Variants in DNAH11 observed in about 807,000 individuals in gnomAD.
The protein encoded by DNAH11 is dynein axonemal heavy chain 11, also known as axonemal beta dynein heavy chain 11.
Under a neutral mutation model 526.0 loss-of-function variants are expected in DNAH11, and 442 were observed. That is an observed-to-expected ratio of 0.84 (90% CI 0.78 to 0.91). The LOEUF (loss-of-function observed/expected upper bound fraction) is 0.91. DNAH11 is among the 40% of genes least tolerant of loss of function. The pLI, the probability that DNAH11 is intolerant of heterozygous loss-of-function variation, is 0.00. For synonymous variants in DNAH11, 2,461 were observed against 1,935.9 expected, an observed-to-expected ratio of 1.27 and a Z score of -7.12; for missense variants, 6,989 against 5,448.7, an observed-to-expected ratio of 1.28 and a Z score of -8.90.
At chr7:21,873,186 A>G in intron 73 of DNAH11, 88 bp from the exon 74 acceptor site, 1 of 1,157,790 alleles carries the variant, frequency 8.6e-7, no homozygotes, top group Non-Finnish European at 1.2e-6. Flanking sequence ...CTGAGTTTTC[A>G]GTGCAATTAT....
At position 21,789,325 on chromosome 7, in the gene DNAH11, A is replaced by C. The variant is rs145645790; in HGVS notation, c.10009A>C (p.Ile3337Leu). The C allele has an allele frequency of 5.1e-6, 8 of 1,569,446 alleles. No individual in the cohort carries two copies. Among genetic ancestry groups the C allele is most frequent in the Non-Finnish European group, 6.9e-6 (8 of 1,156,840 alleles). The change falls in exon 61 of 82, where the codon ATC (isoleucine) becomes CTC (leucine). Residue 3337 changes from isoleucine to leucine, a missense_variant. Physicochemically the swap from Ile to Leu is conservative, Grantham distance 5 (BLOSUM62 2). Transcript: ENST00000409508. ...LAAATEKLEAIRKKLVDLDRN... is the reference protein window; with the variant it reads ...LAAATEKLEALRKKLVDLDRN... ...TGCAGCTACTGAAAAACTAGAGGCT[A>C]TCAGGAAAAAGCTTGTGGTGAGTGC...
intron 25 of DNAH11, among the ~76,000 whole-genome samples, chr7:21,623,101 T>A (rs910888505): frequency 2.0e-3 from 298 of 151,072 alleles, no homozygotes; most frequent in African/African-American, 6.3e-3. Context: ...GAATCTACAA[T>A]GAACTCAAAC....
intron 80 of DNAH11, among the ~76,000 whole-genome samples, chr7:21,899,681 G>A (rs116187539): frequency 1.1e-3 from 163 of 152,260 alleles, no homozygotes; most frequent in African/African-American, 3.6e-3. Flanking sequence ...GGTGGGGCAC[G>A]GTGTGCTCTT....
At chr7:21,847,724 T>G (rs1381963357) in intron 66 of DNAH11, among the ~76,000 whole-genome samples, 28 of 152,196 alleles carry the variant, frequency 1.8e-4, no homozygotes, top group Non-Finnish European at 3.8e-4. Context: ...TCCTTGCTGA[T>G]TTTTTGCCTG....
chr7:21,605,358 T>C (rs1785241288), intron 18 of DNAH11, among the ~76,000 whole-genome samples: 1 of 152,246 alleles, frequency 6.6e-6, no homozygotes, highest in South Asian at 2.1e-4. Flanking sequence ...GGAACAATTC[T>C]TTGTTAATTG....
At chr7:21,575,175 C>T (rs974130003) in intron 8 of DNAH11, among the ~76,000 whole-genome samples, 3 of 152,162 alleles carry the variant, frequency 2.0e-5, no homozygotes, top group Non-Finnish European at 4.4e-5. Context: ...CCATGCCCAG[C>T]CCCTGCATTC....
intron 79 of DNAH11, among the ~76,000 whole-genome samples, chr7:21,897,778 G>A (rs554363423): frequency 9.9e-5 from 15 of 152,086 alleles, no homozygotes; most frequent in African/African-American, 3.4e-4. Context: ...CACCATGCCC[G>A]GCCAACTTTG....
intron 65 of DNAH11, among the ~76,000 whole-genome samples, chr7:21,840,352 T>C (rs1333777442): frequency 6.6e-6 from 1 of 152,248 alleles, no homozygotes; most frequent in East Asian, 1.9e-4. Context: ...CTATTTAAAA[T>C]AATTTCAATT....
chr7:21,569,860 A>G (rs1751744005), intron 6 of DNAH11, among the ~76,000 whole-genome samples: 1 of 152,210 alleles, frequency 6.6e-6, no homozygotes, highest in African/African-American at 2.4e-5. Context: ...CAGAAATAGT[A>G]GGGTCTCCTG....
At chr7:21,681,193 G>C (rs571388934) in intron 30 of DNAH11, among the ~76,000 whole-genome samples, 1 of 152,086 alleles carries the variant, frequency 6.6e-6, no homozygotes, top group African/African-American at 2.4e-5. Flanking sequence ...TTGGGAGGCC[G>C]AGGTAGGCAG....
intron 47 of DNAH11, 30 bp downstream of exon 47, chr7:21,738,896 C>G (rs1302639904): frequency 6.7e-7 from 1 of 1,492,552 alleles, no homozygotes; most frequent in East Asian, 2.4e-5. Context: ...TTACTCTCTC[C>G]CAAAATCTAA....
intron 14 of DNAH11, among the ~76,000 whole-genome samples, chr7:21,596,598 T>C (rs1301258953): frequency 1.3e-5 from 2 of 152,128 alleles, no homozygotes; most frequent in Non-Finnish European, 1.5e-5. Flanking sequence ...AATAAAAAAA[T>C]GTACTCCCCA....
Position 21,607,483 on chromosome 7 carries a change from A to C in DNAH11, c.3852+750A>C, listed in dbSNP as rs143733892. 6.8e-3 allele frequency among the ~76,000 whole-genome samples: 1,038 copies of C among 152,316 alleles called. 9 individuals are homozygous for C. The highest frequency in any genetic ancestry group is 0.012 in the Non-Finnish European group (784 of 68,028). ...GTCAGTATTAACTATCACAATCATC[A>C]TAGTAATCATACGAGAGACAGTAAC... On this transcript the variant is annotated intron_variant, in intron 20 of 81. Coordinates refer to ENST00000409508, the MANE Select transcript of DNAH11 (RefSeq NM_001277115.2).
intron 62 of DNAH11, among the ~76,000 whole-genome samples, chr7:21,807,048 G>A (rs1789293008): frequency 6.6e-6 from 1 of 152,156 alleles, no homozygotes; most frequent in Non-Finnish European, 1.5e-5. Context: ...GGCTATTTCA[G>A]CTTTATGTTT....
chr7:21,854,849 T>C (rs138334994), intron 68 of DNAH11, among the ~76,000 whole-genome samples: 36 of 152,110 alleles, frequency 2.4e-4, no homozygotes, highest in African/African-American at 8.2e-4. Context: ...AGCCAGAATG[T>C]ATTTTTAAGC....
At chr7:21,735,426 G>T (rs1256982717) in intron 45 of DNAH11, among the ~76,000 whole-genome samples, 1 of 152,136 alleles carries the variant, frequency 6.6e-6, no homozygotes, top group African/African-American at 2.4e-5. Flanking sequence ...TTATCCAATT[G>T]CTCTCCTCAA....
At chr7:21,864,121 G>C (rs1028279742) in intron 69 of DNAH11, among the ~76,000 whole-genome samples, 2 of 151,984 alleles carry the variant, frequency 1.3e-5, no homozygotes, top group African/African-American at 4.8e-5. Flanking sequence ...GTAGTTTATT[G>C]AATAACTACT....
At chr7:21,752,443 A>T (rs1485330020) in intron 54 of DNAH11, among the ~76,000 whole-genome samples, 1 of 152,102 alleles carries the variant, frequency 6.6e-6, no homozygotes, top group Non-Finnish European at 1.5e-5. Flanking sequence ...TCACTTTTCT[A>T]TTGGATTGTA....
At chr7:21,646,600 T>G (rs549844129) in intron 28 of DNAH11, among the ~76,000 whole-genome samples, 2 of 152,048 alleles carry the variant, frequency 1.3e-5, no homozygotes, top group African/African-American at 4.8e-5. Context: ...GCACTACATG[T>G]GAGGAAACTA....
Sources: gnomAD v4.1 joint callset for allele counts (sites outside exome capture counted in the v4.1 genomes callset) on GRCh38, gnomAD v4.1.1 for gene constraint, MANE v1.5 for transcripts, NCBI Gene and HGNC (gene_info 2026-07-23, HGNC 2026-07-21) for gene names.